The following SYTL5 variants were observed in gnomAD, a reference collection of about 807,000 sequenced individuals.
SYTL5 encodes synaptotagmin-like protein 5.
Under a neutral mutation model 55.9 loss-of-function variants are expected in SYTL5, and 34 were observed. The ratio of observed to expected loss-of-function variants is 0.61; its 90% CI spans 0.46 to 0.81. SYTL5 has a LOEUF of 0.81. SYTL5 is among the 30% of genes least tolerant of loss of function. The pLI is 0.00. For synonymous variants in SYTL5, 221 were observed against 188.7 expected, an observed-to-expected ratio of 1.17 and a Z score of -1.40; for missense variants, 637 against 546.7, an observed-to-expected ratio of 1.17 and a Z score of -1.65.
chrX:37,898,599 T>C, the SYTL5 span, among the ~76,000 whole-genome samples: 4 of 112,484 alleles, frequency 3.6e-5, no homozygotes, highest in Admixed American at 9.4e-5. Flanking sequence ...GATTTCTCTC[T>C]AGTTCTTTAA....
chrX:37,934,571 A>C, the SYTL5 span, among the ~76,000 whole-genome samples: 2 of 109,532 alleles, frequency 1.8e-5, no homozygotes, highest in African/African-American at 6.6e-5. Flanking sequence ...ATACTAGCAT[A>C]TTCATAATGG....
intron 1 of SYTL5, among the ~76,000 whole-genome samples, chrX:38,032,604 T>C (rs1447553539): frequency 8.9e-6 from 1 of 111,842 alleles, no homozygotes; most frequent in Non-Finnish European, 1.9e-5. Flanking sequence ...TTGAATTTCC[T>C]AATTTGCCTA....
the SYTL5 span, among the ~76,000 whole-genome samples, chrX:37,961,730 T>A: frequency 8.9e-6 from 1 of 112,398 alleles, no homozygotes; most frequent in African/African-American, 3.2e-5. Context: ...ATAATGGGGA[T>A]ATTGTAAATC....
the SYTL5 span, among the ~76,000 whole-genome samples, chrX:37,914,575 T>C: frequency 2.7e-5 from 3 of 111,355 alleles, no homozygotes. Flanking sequence ...TTCAGAATAG[T>C]ACTGGGGAGA....
chrX:38,066,777 C>T (rs957039835), intron 3 of SYTL5, among the ~76,000 whole-genome samples: 1 of 111,610 alleles, frequency 9.0e-6, no homozygotes, highest in Admixed American at 9.6e-5. Flanking sequence ...TATGAGTTCT[C>T]TTCAGACAAT....
At chrX:37,929,271 G>T in the SYTL5 span, among the ~76,000 whole-genome samples, 1 of 111,259 alleles carries the variant, frequency 9.0e-6, no homozygotes, top group Admixed American at 9.6e-5. Context: ...CAAGACAGAG[G>T]TCACTAATCT....
At chrX:37,943,133 T>A in the SYTL5 span, among the ~76,000 whole-genome samples, 1 of 112,140 alleles carries the variant, frequency 8.9e-6, no homozygotes, top group African/African-American at 3.2e-5. Flanking sequence ...GTGACCATAG[T>A]CAGTATTGTT....
chrX:38,081,640 A>G (rs1602377472), intron 6 of SYTL5, among the ~76,000 whole-genome samples: 1 of 111,661 alleles, frequency 9.0e-6, no homozygotes, highest in African/African-American at 3.3e-5. Context: ...AAGGGAAGGC[A>G]GGCAAAAAGG....
rs187423589 is a variant in SYTL5 at position 38,112,455 on chromosome X, C to A, written c.1596+1973C>A. On this transcript the variant is annotated intron_variant, in intron 13 of 16. Coordinates refer to ENST00000297875, the MANE Select transcript of SYTL5 (RefSeq NM_138780.3). ...GTCCCTATAGACTTGCTTCCCATAC[C>A]TCTTTACTGGTCTCTCTGAGAGAAC... is the stretch of plus-strand genomic sequence containing the variant. Among the ~76,000 whole-genome samples the A allele has an allele frequency of 2.7e-5, 3 of 111,978 alleles. No homozygotes were observed. The East Asian group carries it at 8.4e-4, about 31-fold the overall frequency.
chrX:38,108,537 C>T, intron 11 of SYTL5, 63 bp from the exon 12 acceptor site: 2 of 885,703 alleles, frequency 2.3e-6, no homozygotes, highest in South Asian at 4.4e-5. Context: ...ACAGCGAAGT[C>T]TTTGAACATT....
chrX:38,119,538 A>G (rs1480476099), intron 13 of SYTL5, among the ~76,000 whole-genome samples: 1 of 112,737 alleles, frequency 8.9e-6, no homozygotes, highest in African/African-American at 3.2e-5. Context: ...AATGGATAGT[A>G]TTCCATCGTA....
chrX:37,892,923 C>A, the SYTL5 span, among the ~76,000 whole-genome samples: 1 of 30,434 alleles, frequency 3.3e-5, no homozygotes, highest in African/African-American at 1.4e-4. Context: ...TATAACATAC[C>A]ACACTCTATA....
At chrX:37,945,359 A>G in the SYTL5 span, among the ~76,000 whole-genome samples, 1 of 112,046 alleles carries the variant, frequency 8.9e-6, no homozygotes, top group East Asian at 2.8e-4. Context: ...CTTACTTTGT[A>G]TTCCTGGAAA....
the SYTL5 span, among the ~76,000 whole-genome samples, chrX:37,980,332 T>C: frequency 9.0e-6 from 1 of 111,636 alleles, no homozygotes; most frequent in Non-Finnish European, 1.9e-5. Context: ...GTTCTAGTGG[T>C]TCCACAATTA....
At chrX:38,103,577 G>A (rs1053488952) in intron 10 of SYTL5, among the ~76,000 whole-genome samples, 7 of 110,392 alleles carry the variant, frequency 6.3e-5, no homozygotes, top group Admixed American at 9.7e-5. Flanking sequence ...AGGTATGGTG[G>A]GGTAGTCCTC....
intron 1 of SYTL5, among the ~76,000 whole-genome samples, chrX:38,015,959 C>A (rs1313282438): frequency 9.0e-6 from 1 of 111,229 alleles, no homozygotes; most frequent in Non-Finnish European, 1.9e-5. Context: ...ACCAGAATGG[C>A]CTTGAACTTT....
chrX:38,001,537 T>A, the SYTL5 span, among the ~76,000 whole-genome samples: 65 of 111,796 alleles, frequency 5.8e-4, no homozygotes, highest in South Asian at 7.6e-4. Flanking sequence ...CACAAATATG[T>A]GAGAACATGT....
intron 2 of SYTL5, among the ~76,000 whole-genome samples, chrX:38,034,934 A>G (rs1935060730): frequency 1.8e-5 from 2 of 112,306 alleles, no homozygotes; most frequent in African/African-American, 6.5e-5. Context: ...TGTGTCTTGT[A>G]TGGCTCCCCA....
At chrX:37,988,304 G>A in the SYTL5 span, among the ~76,000 whole-genome samples, 2 of 111,812 alleles carry the variant, frequency 1.8e-5, no homozygotes, top group Non-Finnish European at 3.8e-5. Flanking sequence ...AGAGTCCCCA[G>A]AGGGAGTATG....
Sources: gnomAD v4.1 joint callset for allele counts (sites outside exome capture counted in the v4.1 genomes callset) on GRCh38, gnomAD v4.1.1 for gene constraint, MANE v1.5 for transcripts, NCBI Gene and HGNC (gene_info 2026-07-23, HGNC 2026-07-21) for gene names.